The following ENPP2 variants were observed in gnomAD, a reference collection of about 807,000 sequenced individuals.
ENPP2 encodes ectonucleotide pyrophosphatase/phosphodiesterase 2.
In ENPP2, 51 loss-of-function variants were observed where a neutral mutation model predicts 120.2. The ratio of observed to expected loss-of-function variants is 0.42; its 90% CI spans 0.34 to 0.54. The LOEUF is 0.54. Ranked by LOEUF, ENPP2 falls within the 20% of genes least tolerant of loss-of-function variation. ENPP2 has a pLI of 0.04. For synonymous variants in ENPP2, 365 were observed against 366.4 expected, an observed-to-expected ratio of 1.00 and a Z score of 0.04; for missense variants, 920 against 1,066.5, an observed-to-expected ratio of 0.86 and a Z score of 1.91.
At chr8:119,622,182 G>T (rs915628567) in intron 3 of ENPP2, among the ~76,000 whole-genome samples, 1 of 152,152 alleles carries the variant, frequency 6.6e-6, no homozygotes, top group African/African-American at 2.4e-5. Context: ...TCCCACCTTG[G>T]CCTCCCAATG....
chr8:119,625,637 G>A (rs1189449407), intron 3 of ENPP2, among the ~76,000 whole-genome samples: 2 of 152,188 alleles, frequency 1.3e-5, no homozygotes, highest in Non-Finnish European at 2.9e-5. Flanking sequence ...ACTGCTTCTG[G>A]TGATGTCAAG....
chr8:119,582,012 C>T (rs557728184), intron 18 of ENPP2, among the ~76,000 whole-genome samples: 49 of 152,244 alleles, frequency 3.2e-4, no homozygotes, highest in African/African-American at 8.4e-4. Flanking sequence ...GGATTATAGG[C>T]GTGAGCCACC....
intron 3 of ENPP2, among the ~76,000 whole-genome samples, chr8:119,624,848 C>T (rs1816163101): frequency 2.0e-5 from 3 of 152,172 alleles, no homozygotes; most frequent in Admixed American, 1.3e-4. Context: ...CTCGGCAGTG[C>T]TCCCTCAACA....
At chr8:119,654,837 C>T (rs34674041) in intron 1 of ENPP2, among the ~76,000 whole-genome samples, 46,983 of 152,062 alleles carry the variant, frequency 0.31, 7,656 homozygotes, top group East Asian at 0.5. Context: ...ATCTAAGCTT[C>T]TTTCCAACTC....
chr8:119,585,146 A>T (rs1813014592), intron 15 of ENPP2, among the ~76,000 whole-genome samples: 1 of 152,156 alleles, frequency 6.6e-6, no homozygotes, highest in Non-Finnish European at 1.5e-5. Context: ...GTCCTTCAGG[A>T]GCACATACCG....
intron 2 of ENPP2, among the ~76,000 whole-genome samples, chr8:119,631,852 A>G (rs889750548): frequency 2.0e-5 from 3 of 152,126 alleles, no homozygotes; most frequent in Non-Finnish European, 2.9e-5. Flanking sequence ...CATGTAGTTG[A>G]TAAAAATCAA....
At chr8:119,633,543 T>G (rs1415383540) in intron 2 of ENPP2, among the ~76,000 whole-genome samples, 4 of 151,364 alleles carry the variant, frequency 2.6e-5, no homozygotes, top group Non-Finnish European at 5.9e-5. Flanking sequence ...CAGAGGACAG[T>G]GTGCGTGGCA....
chr8:119,594,844 TACTCGG>T (rs959502778), intron 11 of ENPP2, among the ~76,000 whole-genome samples: 3 of 152,256 alleles, frequency 2.0e-5, no homozygotes, highest in African/African-American at 7.2e-5. Context: ...ATATCATTTT[TACTCGG>T]ACACATAATA....
At chr8:119,649,449 A>C (rs961604126) in intron 1 of ENPP2, among the ~76,000 whole-genome samples, 1 of 152,166 alleles carries the variant, frequency 6.6e-6, no homozygotes, top group Non-Finnish European at 1.5e-5. Flanking sequence ...CATTTATAAT[A>C]GTCAAAGGTC....
intron 1 of ENPP2, among the ~76,000 whole-genome samples, chr8:119,665,247 C>T (rs980365978): frequency 2.6e-5 from 4 of 152,162 alleles, no homozygotes; most frequent in South Asian, 4.2e-4. Flanking sequence ...CAACATCTTT[C>T]GTTTATTCTA....
intron 12 of ENPP2, among the ~76,000 whole-genome samples, chr8:119,591,347 T>A (rs1366587463): frequency 4.6e-5 from 7 of 152,224 alleles, no homozygotes; most frequent in African/African-American, 1.4e-4. Flanking sequence ...GGAATTTTTT[T>A]AAACAACAAA....
chr8:119,592,002 C>G (rs540790820), intron 12 of ENPP2, among the ~76,000 whole-genome samples: 3 of 152,300 alleles, frequency 2.0e-5, no homozygotes, highest in Non-Finnish European at 4.4e-5. Context: ...CTAAGTGCTC[C>G]TCAAGCGTCA....
chr8:119,613,304 A>C (rs1669400833), intron 8 of ENPP2, among the ~76,000 whole-genome samples: 1 of 152,264 alleles, frequency 6.6e-6, no homozygotes, highest in South Asian at 2.1e-4. Context: ...AAAAACAAAG[A>C]TTAAATTAAA....
At chr8:119,618,550 CTT>C (rs57251299) in intron 5 of ENPP2, 1,344 of 276,594 alleles carry the variant, frequency 4.9e-3, no homozygotes, top group South Asian at 0.012. Context: ...CCTTGGATGC[CTT>C]TTTTTTTTTT....
At chr8:119,636,263 C>T (rs1183671456) in intron 2 of ENPP2, among the ~76,000 whole-genome samples, 2 of 152,176 alleles carry the variant, frequency 1.3e-5, no homozygotes, top group Admixed American at 1.3e-4. Context: ...GCATATGCAG[C>T]ATTTAAACGC....
At position 119,620,909 on chromosome 8, in the gene ENPP2, T is replaced by C. The variant is rs1002706134; in HGVS notation, c.418+485A>G. Among the ~76,000 whole-genome samples, 20 of 152,272 alleles carry C rather than the reference T, an allele frequency of 1.3e-4. No homozygotes were observed. In the Middle Eastern group the frequency reaches 0.017, roughly 129 times the overall value. On this transcript the variant is annotated intron_variant, in intron 4 of 24. Transcript: ENST00000075322. ...ATCCAATAGATAAAAAAGCCCTGGT[T>C]CCTTGCCTCAAGAGTAGTGACCTGG...
chr8:119,561,793 G>GTA (rs1587314804), intron 24 of ENPP2, among the ~76,000 whole-genome samples: 1 of 151,632 alleles, frequency 6.6e-6, no homozygotes, highest in East Asian at 1.9e-4. Flanking sequence ...TGCTTTGTGT[G>GTA]TGTGTGTGTG....
At chr8:119,630,073 GCCTTGCTTT>G (rs1210364080) in intron 2 of ENPP2, among the ~76,000 whole-genome samples, 2 of 151,944 alleles carry the variant, frequency 1.3e-5, no homozygotes, top group Non-Finnish European at 2.9e-5. Context: ...GCAACCACGC[GCCTTGCTTT>G]CCTTCATCAT....
chr8:119,560,799 T>C (rs1813865741), intron 24 of ENPP2, among the ~76,000 whole-genome samples: 1 of 150,992 alleles, frequency 6.6e-6, no homozygotes, highest in Middle Eastern at 3.2e-3. Context: ...AGCTCTGCTC[T>C]TCTGCTGACT....
Sources: gnomAD v4.1 joint callset for allele counts (sites outside exome capture counted in the v4.1 genomes callset) on GRCh38, gnomAD v4.1.1 for gene constraint, MANE v1.5 for transcripts, NCBI Gene and HGNC (gene_info 2026-07-23, HGNC 2026-07-21) for gene names.